ARHGAP23: variants seen among roughly 807,000 people sequenced by gnomAD.
The protein encoded by ARHGAP23 is rho GTPase-activating protein 23.
Under a neutral mutation model 136.3 loss-of-function variants are expected in ARHGAP23, and 34 were observed. The observed-to-expected ratio is 0.25, with a 90% confidence interval of 0.19 to 0.33. ARHGAP23 has a LOEUF of 0.33. ARHGAP23 is among the 10% of genes least tolerant of loss of function. The pLI is 1.00. For missense variants in ARHGAP23, 1,808 were observed against 2,139.0 expected (o/e 0.85, Z 3.05); for synonymous variants, 832 against 920.5 (o/e 0.90, Z 1.74).
rs1269256474 is a variant in ARHGAP23, at chr17:38,510,969, G to GTGATCCCCACCTC, written c.4474_*10dup. On this transcript the variant is annotated frameshift_variant and stop_retained_variant, in exon 24 of 24. Transcript: ENST00000622683. LOFTEE classifies it high-confidence loss of function. This position sits in a 1 kb window ranked among gnomAD's most constrained non-coding sequence, Gnocchi z 4.6. ...CCGCCTCCCGCCTGCATCAGTGTCT[G>GTGATCCCCACCTC]TGATCCCCACCTCCCGCGCCGCTCG... 1 of 1,438,968 alleles carries GTGATCCCCACCTC rather than the reference G, an allele frequency of 6.9e-7. No homozygotes were observed. The highest frequency in any genetic ancestry group is 9.0e-7 in the Non-Finnish European group (1 of 1,108,532). The allele number at this position is 1,438,968 out of a possible 1,614,324, so 89.1% of individuals were successfully genotyped here.
intron 7 of ARHGAP23, 56 bp from the exon 8 acceptor site, chr17:38,469,088 G>A (rs2039680423): frequency 6.7e-7 from 1 of 1,492,580 alleles, no homozygotes; most frequent in African/African-American, 1.4e-5. Context: ...CTAGGGTGGA[G>A]GCAGGCAGGC....
At chr17:38,476,722 T>G (rs2144693766) in intron 11 of ARHGAP23, among the ~76,000 whole-genome samples, 1 of 152,062 alleles carries the variant, frequency 6.6e-6, no homozygotes, top group Non-Finnish European at 1.5e-5. Flanking sequence ...TAGGGCGGGG[T>G]CTCTTACCCT....
upstream of ARHGAP23, among the ~76,000 whole-genome samples, chr17:38,427,880 C>T (rs2038593043): frequency 6.6e-6 from 1 of 152,208 alleles, no homozygotes; most frequent in Non-Finnish European, 1.5e-5. Flanking sequence ...CCTTGTGTCT[C>T]AATGTCTAGG....
rs1046881013 is a variant in ARHGAP23, at chr17:38,466,931, C to T, written c.1248C>T (p.Tyr416=). ...TGCAGGGCCTGGATGACCTCGGGTACATCGGCTACCGGAGCTACAGCCCAT... is the reference window on the plus strand; with the variant it reads ...TGCAGGGCCTGGATGACCTCGGGTATATCGGCTACCGGAGCTACAGCCCAT... ...SGLQGLDDLG[Y]IGYRSYSPSF... is the part of the protein sequence containing the mutation. Residue 416 remains tyrosine, a synonymous_variant, in exon 7 of 24, where the codon TAC becomes TAT. Transcript: ENST00000622683. 6.5e-6 allele frequency: 10 copies of T among 1,550,370 alleles called. No homozygotes were observed. Among genetic ancestry groups the T allele is most frequent in the Admixed American group, 5.9e-5 (3 of 50,996 alleles).
chr17:38,442,728 G>C (rs1156231504), intron 1 of ARHGAP23, among the ~76,000 whole-genome samples: 1 of 152,218 alleles, frequency 6.6e-6, no homozygotes, highest in Non-Finnish European at 1.5e-5. Context: ...AAGGGTGCCT[G>C]GTCCTCACAG....
Position 38,466,711 on chromosome 17 carries a change from A to G in ARHGAP23, c.1028A>G (p.Gln343Arg), listed in dbSNP as rs919530526. ...TSQDALSQLG[Q>R]EGWHRARSDD... ...CAGGATGCTTTGAGCCAGCTGGGCC[A>G]GGAGGGCTGGCACCGAGCTCGCTCA... The change falls in exon 7 of 24, where the codon CAG becomes CGG. Residue 343 changes from glutamine (Q) to arginine (R), a missense_variant. Gln to Arg is a conservative substitution (Grantham distance 43). This residue lies in a region of ARHGAP23 where 859 missense variants were observed against 936.4 expected (regional missense o/e 0.92). Coordinates refer to ENST00000622683, the MANE Select transcript of ARHGAP23 (RefSeq NM_001199417.2). 4.6e-6 allele frequency: 7 copies of G among 1,535,242 alleles called. No individual in the cohort carries two copies. The African/African-American group carries it at 9.6e-5, about 21-fold the overall frequency.
intron 10 of ARHGAP23, among the ~76,000 whole-genome samples, chr17:38,470,183 T>G (rs561967909): frequency 6.6e-6 from 1 of 152,344 alleles, no homozygotes; most frequent in African/African-American, 2.4e-5. Flanking sequence ...ACTTCTCCCC[T>G]GTCTTCGCGG....
intron 1 of ARHGAP23, among the ~76,000 whole-genome samples, chr17:38,441,320 A>G (rs2038915798): frequency 6.6e-6 from 1 of 152,228 alleles, no homozygotes; most frequent in Non-Finnish European, 1.5e-5. Context: ...TTCATAGCTC[A>G]GGGCTGGCGT....
In ARHGAP23 at chr17:38,456,967, T is replaced by C. The variant is rs946533181; in HGVS notation, c.64-1135T>C. On this transcript the variant is annotated intron_variant, in intron 1 of 23. Coordinates refer to ENST00000622683, the MANE Select transcript of ARHGAP23 (RefSeq NM_001199417.2). ...GCTCTGTCACTAGGCTGGAGTGCAA[T>C]GGTGCGCTCTCAGTTCACTGCAACT... Among the ~76,000 whole-genome samples the C allele has an allele frequency of 2.0e-5, 3 of 152,176 alleles. No individual in the cohort carries two copies. In the Middle Eastern group the frequency reaches 0.01, roughly 521 times the overall value.
rs2040743957 is a variant in ARHGAP23 at position 38,510,734 on chromosome 17, C to A, written c.4238C>A (p.Pro1413Gln). The change falls in exon 24 of 24, where the codon CCG becomes CAG. Residue 1413 changes from proline (P) to glutamine (Q), a missense_variant. Physicochemically the swap from Pro to Gln is moderately conservative, Grantham distance 76 (BLOSUM62 -1). This residue lies in a region of ARHGAP23 where 506 missense variants were observed against 455.8 expected (regional missense o/e 1.11). Coordinates refer to ENST00000622683, the MANE Select transcript of ARHGAP23 (RefSeq NM_001199417.2). This position sits in a 1 kb window ranked among gnomAD's most constrained non-coding sequence, Gnocchi z 4.6. ...WRRHTVVVQS[P>Q]LTDLNFNEWK... ...CGCCACACCGTGGTGGTGCAGAGCC[C>A]GCTGACTGACCTCAACTTCAACGAG... 1 of 1,479,346 alleles carries A rather than the reference C, an allele frequency of 6.8e-7. No individual in the cohort carries two copies. The allele number at this position is 1,479,346 out of a possible 1,614,324, so 91.6% of individuals were successfully genotyped here.
chr17:38,439,176 TAA>T (rs1157657817), intron 1 of ARHGAP23, among the ~76,000 whole-genome samples: 12 of 137,922 alleles, frequency 8.7e-5, no homozygotes, highest in Non-Finnish European at 7.9e-5. Flanking sequence ...AGACTCTGTC[TAA>T]AAAAAAAAAA....
chr17:38,477,353 G>GCA lies in ARHGAP23; in HGVS notation c.2119-226_2119-225insCA, dbSNP rs2039917641. On this transcript the variant is annotated intron_variant, in intron 11 of 23. Transcript: ENST00000622683. This position sits in a 1 kb window ranked among gnomAD's most constrained non-coding sequence, Gnocchi z 6.6. Reference sequence around the variant, plus strand: ...GGGGAGAGGGTTGGGGTCTGCTGGGGGGCTTTAGGATGATGGGTAGGGGTG... The same window carrying GCA: ...GGGGAGAGGGTTGGGGTCTGCTGGGGCAGGCTTTAGGATGATGGGTAGGGGTG... Among the ~76,000 whole-genome samples, 1 of 152,020 alleles carries GCA rather than the reference G, an allele frequency of 6.6e-6. No individual in the cohort carries two copies. Among genetic ancestry groups the GCA allele is most frequent in the East Asian group, 1.9e-4 (1 of 5,180 alleles).
intron 1 of ARHGAP23, chr17:38,454,022 G>C (rs1388264319): frequency 1.4e-5 from 2 of 147,194 alleles, no homozygotes; most frequent in Non-Finnish European, 3.0e-5. Context: ...GCGGGGGCCG[G>C]GGGCTGGCGC....
intron 23 of ARHGAP23, among the ~76,000 whole-genome samples, chr17:38,507,807 T>C (rs1038155275): frequency 2.0e-5 from 3 of 152,224 alleles, no homozygotes; most frequent in African/African-American, 7.2e-5. Context: ...CCTGAGTCCC[T>C]GACATGCTCT....
chr17:38,473,500 C>T (rs2039814111), intron 11 of ARHGAP23, among the ~76,000 whole-genome samples: 2 of 152,172 alleles, frequency 1.3e-5, no homozygotes, highest in Non-Finnish European at 2.9e-5. Flanking sequence ...ACTGGCGCTC[C>T]TCTGTGGAGA....
rs547643822 is a variant in ARHGAP23, at chr17:38,500,864, G to A, written c.3447+236G>A. The stretch of plus-strand genomic sequence containing the variant: ...CCTGGCCTGGGAGTTATGTGGCTAG[G>A]AGGCAATGTCACTCAGTAGTTAGAA... On this transcript the variant is annotated intron_variant, in intron 23 of 23. Coordinates refer to ENST00000622683, the MANE Select transcript of ARHGAP23 (RefSeq NM_001199417.2). 6 of 566,724 alleles carry A rather than the reference G, an allele frequency of 1.1e-5. No homozygotes were observed. The South Asian group carries it at 1.4e-4, about 14-fold the overall frequency. The allele number at this position is 566,724 out of a possible 1,614,324, so 35.1% of individuals were successfully genotyped here. A position where few individuals can be genotyped will look rare whatever the true frequency, so the allele number is the denominator to read the frequency against.
intron 12 of ARHGAP23, among the ~76,000 whole-genome samples, chr17:38,478,384 G>A (rs1393187158): frequency 2.6e-5 from 4 of 151,932 alleles, no homozygotes; most frequent in African/African-American, 9.7e-5. Context: ...GGGCAGGGGT[G>A]GAGCCAAGGG....
At chr17:38,453,775 C>T (rs1005046056) in intron 1 of ARHGAP23, 2 of 145,488 alleles carry the variant, frequency 1.4e-5, no homozygotes, top group African/African-American at 5.0e-5. Context: ...CTTCGGGGCC[C>T]CCGGGCCCCG....
Position 38,492,162 on chromosome 17 carries a change from G to A in ARHGAP23, c.3276+630G>A, listed in dbSNP as rs57809338. On this transcript the variant is annotated intron_variant, in intron 20 of 23. Transcript: ENST00000622683. ...TAGGTTCTTGTTACTGTGCATGGGC[G>A]GAGGAGAACCCAGAGTGGCCAGCAG... is the stretch of plus-strand genomic sequence containing the variant. 6.5e-3 allele frequency among the ~76,000 whole-genome samples: 990 copies of A among 152,312 alleles called. 8 individuals are homozygous for A. The highest frequency in any genetic ancestry group is 0.023 in the African/African-American group (950 of 41,558).
Sources: allele counts gnomAD v4.1 joint callset (sites outside exome capture counted in the v4.1 genomes callset), GRCh38; gene constraint gnomAD v4.1.1; regional missense constraint gnomAD v4.1.1; non-coding constraint Gnocchi (gnomAD v3.1); transcripts MANE v1.5; gene names NCBI Gene and HGNC (gene_info 2026-07-23, HGNC 2026-07-21).